The following CAP2 variants were observed in gnomAD, a reference collection of about 807,000 sequenced individuals.
CAP2 encodes the protein adenylyl cyclase-associated protein 2.
Under a neutral mutation model 57.7 loss-of-function variants are expected in CAP2, and 24 were observed. The ratio of observed to expected loss-of-function variants is 0.42; its 90% confidence interval spans 0.30 to 0.58. The LOEUF (loss-of-function observed/expected upper bound fraction) is 0.58. Among genes scored for constraint, CAP2 ranks in the 20% least tolerant of loss-of-function variants. CAP2 has a pLI of 0.22. For synonymous variants in CAP2, 194 were observed against 207.2 expected (o/e 0.94, Z 0.55); for missense variants, 501 against 590.3 (o/e 0.85, Z 1.57).
chr6:17,413,484 C>T (rs2113521099), intron 1 of CAP2, among the ~76,000 whole-genome samples: 1 of 152,270 alleles, frequency 6.6e-6, no homozygotes, highest in South Asian at 2.1e-4. Flanking sequence ...AGCCCCCTCA[C>T]ACTACAGTAG....
rs186482120 is a variant in CAP2 at position 17,472,591 on chromosome 6, T to C, written c.300+9518T>C. 6.1e-3 allele frequency among the ~76,000 whole-genome samples: 934 copies of C among 152,346 alleles called. 5 individuals are homozygous for C. The highest frequency in any genetic ancestry group is 9.1e-3 in the Non-Finnish European group (622 of 68,024). On this transcript the variant is annotated intron_variant, in intron 4 of 12. Coordinates refer to ENST00000229922, the MANE Select transcript of CAP2 (RefSeq NM_006366.3). Reference sequence around the variant, plus strand: ...AGAAGTGAGGCAAAAAGAAGGCTTTTTTCCTTTTCCTATGAGCCTTCCAAT... The same window carrying C: ...AGAAGTGAGGCAAAAAGAAGGCTTTCTTCCTTTTCCTATGAGCCTTCCAAT...
intron 3 of CAP2, among the ~76,000 whole-genome samples, chr6:17,443,229 G>A (rs1760143369): frequency 6.6e-6 from 1 of 152,066 alleles, no homozygotes; most frequent in South Asian, 2.1e-4. Flanking sequence ...TCCAGCCTGG[G>A]TGACAGAGGA....
chr6:17,433,000 T>G (rs1029581208), intron 3 of CAP2, among the ~76,000 whole-genome samples: 4 of 133,908 alleles, frequency 3.0e-5, no homozygotes, highest in Non-Finnish European at 6.3e-5. Flanking sequence ...TCCGTCCATC[T>G]ATCTGTCTTT....
chr6:17,541,214 A>G, intron 9 of CAP2, 66 bp downstream of exon 9: 2 of 1,240,278 alleles, frequency 1.6e-6, no homozygotes, highest in Non-Finnish European at 2.3e-6. Context: ...CAGCCAAACC[A>G]TTTACCAAGA....
At chr6:17,554,836 A>G (rs372843646) in intron 12 of CAP2, among the ~76,000 whole-genome samples, 24 of 152,318 alleles carry the variant, frequency 1.6e-4, no homozygotes, top group Admixed American at 3.9e-4. Flanking sequence ...GAGGTCTTCT[A>G]TCCTCTTCTG....
At chr6:17,416,502 A>C (rs1759278897) in intron 1 of CAP2, among the ~76,000 whole-genome samples, 1 of 152,208 alleles carries the variant, frequency 6.6e-6, no homozygotes, top group African/African-American at 2.4e-5. Flanking sequence ...CTGTGATATA[A>C]CACTATTGGG....
chr6:17,532,484 G>A (rs1376689903), intron 7 of CAP2, among the ~76,000 whole-genome samples: 5 of 147,214 alleles, frequency 3.4e-5, no homozygotes, highest in African/African-American at 7.4e-5. Context: ...AGTGGCTCAC[G>A]CCTGTAATCC....
chr6:17,527,660 G>A (rs901724208), intron 7 of CAP2, among the ~76,000 whole-genome samples: 2 of 145,040 alleles, frequency 1.4e-5, no homozygotes, highest in Admixed American at 7.2e-5. Flanking sequence ...GCAGTGGCAC[G>A]ATCTCGGCTC....
At chr6:17,441,542 A>AGC (rs1760073287) in intron 3 of CAP2, among the ~76,000 whole-genome samples, 1 of 151,580 alleles carries the variant, frequency 6.6e-6, no homozygotes, top group African/African-American at 2.4e-5. Flanking sequence ...GGAGTGCAGT[A>AGC]GCAAGATCAA....
chr6:17,498,784 A>G (rs1231725945), intron 4 of CAP2, among the ~76,000 whole-genome samples: 1 of 151,980 alleles, frequency 6.6e-6, no homozygotes, highest in African/African-American at 2.4e-5. Flanking sequence ...GCTGGAGTGC[A>G]GTGGCACGAT....
chr6:17,493,618 A>T (rs1761596256), intron 4 of CAP2: 1 of 174,564 alleles, frequency 5.7e-6, no homozygotes, highest in Non-Finnish European at 1.3e-5. Flanking sequence ...GCATGTATAC[A>T]CTGTGTTGTT....
In CAP2 at chr6:17,507,228, C is replaced by G; in HGVS notation, c.360C>G (p.Phe120Leu). ...AAAAGATTCAGGAAATCCAAACTTT[C>G]AGAGAGAGAAACCGGGGGAGTAACA... The part of the protein sequence containing the change: ...ISEKIQEIQT[F>L]RERNRGSNMF... The change falls in exon 5 of 13, where the codon TTC becomes TTG. Residue 120 changes from phenylalanine to leucine, a missense_variant. Coordinates refer to ENST00000229922, the MANE Select transcript of CAP2 (RefSeq NM_006366.3). 5 of 1,614,174 alleles carry G rather than the reference C, an allele frequency of 3.1e-6. No individual in the cohort carries two copies. Among genetic ancestry groups the G allele is most frequent in the Non-Finnish European group, 4.2e-6 (5 of 1,180,018 alleles).
chr6:17,526,284 A>AT, intron 7 of CAP2, among the ~76,000 whole-genome samples: 1 of 151,866 alleles, frequency 6.6e-6, no homozygotes, highest in Non-Finnish European at 1.5e-5. Context: ...TACCTGACTA[A>AT]TTTTTGTATT....
intron 7 of CAP2, among the ~76,000 whole-genome samples, chr6:17,522,864 G>C (rs1260640791): frequency 6.6e-6 from 1 of 152,074 alleles, no homozygotes; most frequent in Non-Finnish European, 1.5e-5. Context: ...GCACGATCTC[G>C]GCTCATTGCA....
intron 7 of CAP2, among the ~76,000 whole-genome samples, chr6:17,525,978 C>G (rs1332131877): frequency 6.6e-6 from 1 of 152,146 alleles, no homozygotes; most frequent in Non-Finnish European, 1.5e-5. Context: ...GGTTCTGGGA[C>G]AGCAGTGACT....
intron 1 of CAP2, among the ~76,000 whole-genome samples, chr6:17,406,636 C>T (rs186844622): frequency 1.3e-5 from 2 of 152,122 alleles, no homozygotes; most frequent in East Asian, 3.9e-4. Context: ...TCATGATGTG[C>T]CTGCCTCGGC....
chr6:17,544,316 T>C (rs1454633749), intron 11 of CAP2, among the ~76,000 whole-genome samples: 1 of 152,002 alleles, frequency 6.6e-6, no homozygotes, highest in Non-Finnish European at 1.5e-5. Flanking sequence ...CAAAGAGAAC[T>C]TTTTTCTCAG....
At chr6:17,406,772 G>A (rs953570809) in intron 1 of CAP2, among the ~76,000 whole-genome samples, 2 of 152,040 alleles carry the variant, frequency 1.3e-5, no homozygotes, top group South Asian at 2.1e-4. Flanking sequence ...CTACGGCCAC[G>A]CTTGGGAGAG....
intron 4 of CAP2, among the ~76,000 whole-genome samples, chr6:17,478,483 G>A (rs567903495): frequency 4.3e-4 from 65 of 151,872 alleles, no homozygotes; most frequent in African/African-American, 1.4e-3. Flanking sequence ...TTTTTAATCT[G>A]ATAACATTAT....
Sources: gnomAD v4.1 joint callset for allele counts (sites outside exome capture counted in the v4.1 genomes callset) on GRCh38, gnomAD v4.1.1 for gene constraint, MANE v1.5 for transcripts, NCBI Gene and HGNC (gene_info 2026-07-23, HGNC 2026-07-21) for gene names.